The following NTM variants were observed in gnomAD, a reference collection of about 807,000 sequenced individuals.
NTM encodes IgLON family member 2.
A neutral mutation model predicts 42.1 loss-of-function variants in NTM; 13 were observed. That is an observed-to-expected ratio of 0.31 (90% CI 0.20 to 0.49). NTM has a LOEUF of 0.49. NTM is among the 20% of genes least tolerant of loss of function. NTM has a pLI of 0.99. For synonymous variants in NTM, 187 were observed against 179.2 expected (o/e 1.04, Z -0.35); for missense variants, 373 against 452.8 (o/e 0.82, Z 1.60).
intron 1 of NTM, among the ~76,000 whole-genome samples, chr11:131,619,144 A>G (rs1246489972): frequency 6.6e-6 from 1 of 152,242 alleles, no homozygotes; most frequent in East Asian, 1.9e-4. Context: ...GAATAAGCCC[A>G]TGAGAGAATG....
intron 1 of NTM, among the ~76,000 whole-genome samples, chr11:131,801,516 T>C (rs1048575814): frequency 6.6e-6 from 1 of 152,192 alleles, no homozygotes; most frequent in African/African-American, 2.4e-5. Context: ...AGTTTCGCCA[T>C]AGCACAGGGT....
intron 2 of NTM, among the ~76,000 whole-genome samples, chr11:132,017,108 A>G (rs2073551673): frequency 6.6e-6 from 1 of 151,928 alleles, no homozygotes; most frequent in African/African-American, 2.4e-5. Context: ...CATTTTTTAA[A>G]TGGTGGGTTT....
intron 1 of NTM, among the ~76,000 whole-genome samples, chr11:131,784,943 A>T (rs2088869007): frequency 6.6e-6 from 1 of 152,104 alleles, no homozygotes. Flanking sequence ...CCACGTAAGC[A>T]CTCTTTGCAA....
intron 1 of NTM, among the ~76,000 whole-genome samples, chr11:131,735,510 G>A (rs982088909): frequency 2.6e-5 from 4 of 152,196 alleles, no homozygotes; most frequent in Non-Finnish European, 5.9e-5. Context: ...GGATGTGTGG[G>A]GTTGTATTGT....
At chr11:131,594,946 C>T (rs1367195309) in intron 1 of NTM, among the ~76,000 whole-genome samples, 1 of 152,192 alleles carries the variant, frequency 6.6e-6, no homozygotes, top group Admixed American at 6.5e-5. Flanking sequence ...TGCTCAATCT[C>T]TCTGGGCTCT....
At chr11:131,393,779 C>T (rs1944278348) in intron 1 of NTM, among the ~76,000 whole-genome samples, 1 of 152,234 alleles carries the variant, frequency 6.6e-6, no homozygotes, top group Admixed American at 6.5e-5. Context: ...CAGATCTTAT[C>T]CCTGTGAAGC....
At chr11:131,871,994 G>A (rs1207767531) in intron 1 of NTM, among the ~76,000 whole-genome samples, 1 of 152,200 alleles carries the variant, frequency 6.6e-6, no homozygotes, top group Non-Finnish European at 1.5e-5. Context: ...AAGACATGCT[G>A]TGTACACATG....
intron 2 of NTM, among the ~76,000 whole-genome samples, chr11:132,014,071 C>T (rs954140736): frequency 9.9e-5 from 15 of 152,022 alleles, no homozygotes; most frequent in African/African-American, 3.6e-4. Flanking sequence ...GCCCTCACAT[C>T]CTTCGGTAAT....
chr11:132,183,297 C>A (rs777829245), intron 3 of NTM, among the ~76,000 whole-genome samples: 3 of 152,170 alleles, frequency 2.0e-5, no homozygotes, highest in Non-Finnish European at 4.4e-5. Flanking sequence ...AACCATACCC[C>A]ACTGGCCACA....
chr11:131,657,115 C>T (rs2067291871), intron 1 of NTM, among the ~76,000 whole-genome samples: 1 of 144,784 alleles, frequency 6.9e-6, no homozygotes, highest in Non-Finnish European at 1.5e-5. Context: ...GCTGTTTCCA[C>T]TTGTGGTTTT....
intron 1 of NTM, among the ~76,000 whole-genome samples, chr11:131,657,332 A>G (rs2067334806): frequency 6.6e-6 from 1 of 152,086 alleles, no homozygotes; most frequent in Non-Finnish European, 1.5e-5. Context: ...ATGGCAGAAG[A>G]ACTATGCCGT....
intron 2 of NTM, among the ~76,000 whole-genome samples, chr11:131,958,836 G>C (rs541836243): frequency 1.3e-5 from 2 of 152,144 alleles, no homozygotes. Flanking sequence ...TTATGGTGAC[G>C]AAATGAAGGA....
chr11:131,916,861 G>C (rs1466965618), intron 2 of NTM, among the ~76,000 whole-genome samples: 1 of 152,172 alleles, frequency 6.6e-6, no homozygotes, highest in Non-Finnish European at 1.5e-5. Flanking sequence ...TATTCCAGCT[G>C]CAAAGCGTTT....
chr11:131,730,141 A>G (rs766897843), intron 1 of NTM, among the ~76,000 whole-genome samples: 1 of 152,112 alleles, frequency 6.6e-6, no homozygotes, highest in Non-Finnish European at 1.5e-5. Context: ...AGTGGGTGTA[A>G]AGTGGTATCT....
chr11:131,513,712 G>A lies in NTM; in HGVS notation c.82+142824G>A, dbSNP rs117319236. The stretch of plus-strand genomic sequence containing the variant: ...GTGTGATAATATTGATTATACAGGG[G>A]CCTGGTGGAGTGTCCCTGGCTGCAT... On this transcript the variant is annotated intron_variant, in intron 1 of 8. Coordinates refer to ENST00000683400, the MANE Select transcript of NTM (RefSeq NM_001352005.2). 4.0e-4 allele frequency among the ~76,000 whole-genome samples: 61 copies of A among 152,298 alleles called. 1 individual carries two copies. The East Asian group carries it at 9.7e-3, about 24-fold the overall frequency.
At chr11:132,277,904 C>T (rs2093794352) in intron 4 of NTM, among the ~76,000 whole-genome samples, 1 of 152,110 alleles carries the variant, frequency 6.6e-6, no homozygotes, top group African/African-American at 2.4e-5. Flanking sequence ...AGGACTCTTA[C>T]TTTCTGAGTT....
At chr11:132,278,725 C>T (rs1384379023) in intron 4 of NTM, among the ~76,000 whole-genome samples, 1 of 149,550 alleles carries the variant, frequency 6.7e-6, no homozygotes, top group Non-Finnish European at 1.5e-5. Context: ...GAATGTCTTT[C>T]TTAACCTTCA....
intron 1 of NTM, among the ~76,000 whole-genome samples, chr11:131,428,129 C>T (rs893981995): frequency 2.6e-5 from 4 of 152,214 alleles, no homozygotes; most frequent in African/African-American, 2.4e-5. Context: ...GCCTCTCAAA[C>T]TCAGTATGTA....
intron 1 of NTM, among the ~76,000 whole-genome samples, chr11:131,780,000 A>G (rs2087763769): frequency 6.6e-6 from 1 of 152,180 alleles, no homozygotes; most frequent in Non-Finnish European, 1.5e-5. Flanking sequence ...CTATATCAGA[A>G]TCTCTGCCTT....
Sources: gnomAD v4.1 joint callset for allele counts (sites outside exome capture counted in the v4.1 genomes callset) on GRCh38, gnomAD v4.1.1 for gene constraint, MANE v1.5 for transcripts, NCBI Gene and HGNC (gene_info 2026-07-23, HGNC 2026-07-21) for gene names.